ZEB1: variants seen among roughly 807,000 people sequenced by gnomAD.
The protein encoded by ZEB1 is zinc finger E-box-binding homeobox 1.
In ZEB1, 21 loss-of-function variants were observed where a neutral mutation model predicts 84.9. The observed-to-expected ratio is 0.25, with a 90% CI of 0.18 to 0.36. ZEB1 has a LOEUF of 0.36. Among genes scored for constraint, ZEB1 ranks in the 10% least tolerant of loss-of-function variants. The pLI is 1.00. For synonymous variants in ZEB1, 420 were observed against 471.1 expected (o/e 0.89, Z 1.41); for missense variants, 1,104 against 1,330.2 (o/e 0.83, Z 2.65).
chr10:31,444,626 A>G (rs1360303307), intron 1 of ZEB1, among the ~76,000 whole-genome samples: 22 of 151,892 alleles, frequency 1.4e-4, no homozygotes, highest in Non-Finnish European at 2.8e-4. Flanking sequence ...TCAGCTTTCT[A>G]CATATGGCTA....
At chr10:31,514,741 A>T in intron 6 of ZEB1, 33 bp downstream of exon 6, 1 of 1,459,566 alleles carries the variant, frequency 6.9e-7, no homozygotes, top group Non-Finnish European at 9.6e-7. Flanking sequence ...TACCCTGAAT[A>T]TCATAGCATA....
At chr10:31,459,719 C>T (rs1259655620) in intron 1 of ZEB1, among the ~76,000 whole-genome samples, 1 of 151,886 alleles carries the variant, frequency 6.6e-6, no homozygotes, top group Non-Finnish European at 1.5e-5. Context: ...CTCTTTTGGA[C>T]AAGAGTCTTC....
At chr10:31,401,229 AAGAC>A (rs1042884970) in intron 1 of ZEB1, among the ~76,000 whole-genome samples, 3 of 152,214 alleles carry the variant, frequency 2.0e-5, no homozygotes, top group Admixed American at 6.5e-5. Flanking sequence ...CATTTTTAAA[AAGAC>A]AGAAAACTAA....
Position 31,361,056 on chromosome 10 carries a change from G to A in ZEB1, c.58+41764G>A, listed in dbSNP as rs2042965269. The A allele has an allele frequency of 1.1e-5, 17 of 1,611,364 alleles. No homozygotes were observed. In the East Asian group the frequency reaches 3.8e-4, roughly 36 times the overall value. ...TTTTGGAAGGGATTCTGATACTCTG[G>A]ATAATCAGACTTCTTTTCTCTAAGA... On this transcript the variant is annotated intron_variant, in intron 1 of 8. Transcript: ENST00000424869.
chr10:31,484,708 G>T (rs1465424593), intron 2 of ZEB1, among the ~76,000 whole-genome samples: 2 of 151,912 alleles, frequency 1.3e-5, no homozygotes. Flanking sequence ...TACGGTAAAT[G>T]AATATTTTTT....
At chr10:31,460,795 G>A (rs560804756) in intron 1 of ZEB1, among the ~76,000 whole-genome samples, 2 of 152,142 alleles carry the variant, frequency 1.3e-5, no homozygotes, top group East Asian at 1.9e-4. Flanking sequence ...TAATGGGTTA[G>A]TATTTATAAA....
intron 1 of ZEB1, among the ~76,000 whole-genome samples, chr10:31,352,801 G>C (rs1358291818): frequency 6.6e-6 from 1 of 152,174 alleles, no homozygotes; most frequent in Non-Finnish European, 1.5e-5. Flanking sequence ...AAGTTACTTA[G>C]CATTACTTCT....
intron 1 of ZEB1, among the ~76,000 whole-genome samples, chr10:31,382,866 C>T (rs2047940891): frequency 6.6e-6 from 1 of 151,520 alleles, no homozygotes; most frequent in Non-Finnish European, 1.5e-5. Context: ...ATGAATATGA[C>T]AGATTAAGAA....
intron 1 of ZEB1, among the ~76,000 whole-genome samples, chr10:31,389,178 A>G (rs1267711920): frequency 2.0e-5 from 3 of 152,084 alleles, no homozygotes; most frequent in Non-Finnish European, 4.4e-5. Flanking sequence ...CATTTCCTTA[A>G]CAATTCTTAT....
chr10:31,473,580 A>C (rs1043185212), intron 2 of ZEB1, among the ~76,000 whole-genome samples: 2 of 150,698 alleles, frequency 1.3e-5, no homozygotes, highest in Non-Finnish European at 3.0e-5. Context: ...AAATGGAAGA[A>C]CATTCCATGC....
chr10:31,443,490 C>A (rs147770278), intron 1 of ZEB1, among the ~76,000 whole-genome samples: 2,191 of 150,872 alleles, frequency 0.015, 39 homozygotes, highest in African/African-American at 0.051. Flanking sequence ...TATACATGTG[C>A]CATGCTGGTG....
chr10:31,452,726 TGTGTGTGTGTGTGTGTGAGA>T (rs1397877265), intron 1 of ZEB1, among the ~76,000 whole-genome samples: 9 of 121,792 alleles, frequency 7.4e-5, no homozygotes, highest in Admixed American at 4.1e-4. Flanking sequence ...TGTGTGTGTG[TGTGTGTGTGTGTGTGTGAGA>T]GAGAGAGAGA....
chr10:31,518,658 T>C (rs950106752), intron 6 of ZEB1, among the ~76,000 whole-genome samples: 1 of 152,136 alleles, frequency 6.6e-6, no homozygotes, highest in Non-Finnish European at 1.5e-5. Context: ...GAAAATACTA[T>C]GTGATGGAGC....
intron 1 of ZEB1, chr10:31,389,844 C>T (rs190152609): frequency 1.5e-4 from 23 of 151,990 alleles, no homozygotes; most frequent in Non-Finnish European, 2.5e-4. Flanking sequence ...TTTTCATACT[C>T]AGCATTCAAA....
chr10:31,496,888 C>T (rs995816362), intron 3 of ZEB1, among the ~76,000 whole-genome samples: 1 of 152,012 alleles, frequency 6.6e-6, no homozygotes, highest in Admixed American at 6.6e-5. Context: ...AATAGCACTC[C>T]TATACTCGTC....
chr10:31,497,225 A>G (rs897893553), intron 3 of ZEB1, among the ~76,000 whole-genome samples: 1 of 152,154 alleles, frequency 6.6e-6, no homozygotes, highest in Non-Finnish European at 1.5e-5. Context: ...TATTACCAGA[A>G]TTACAGAAGA....
At chr10:31,445,022 C>T (rs1391904426) in intron 1 of ZEB1, among the ~76,000 whole-genome samples, 13 of 150,398 alleles carry the variant, frequency 8.6e-5, no homozygotes, top group East Asian at 7.7e-4. Flanking sequence ...GCCATTTTCG[C>T]GATATTGATT....
Position 31,526,874 on chromosome 10 carries a change from C to T in ZEB1, c.2988C>T (p.Ser996=), listed in dbSNP as rs1190238109. 3 of 1,614,154 alleles carry T rather than the reference C, an allele frequency of 1.9e-6. No individual in the cohort carries two copies. Among genetic ancestry groups the T allele is most frequent in the East Asian group, 4.5e-5 (2 of 44,844 alleles). Residue 996 remains serine, a synonymous_variant, in exon 9 of 9, where the codon AGC becomes AGT. Transcript: ENST00000424869. ...YCKREAEERD[S]TEQEEAGPEI... is the part of the protein sequence containing the mutation. The stretch of plus-strand genomic sequence containing the variant: ...AGAGAGAAGCGGAAGAACGTGACAG[C>T]ACAGAGCAGGAAGAGGCAGGGCCTG...
intron 1 of ZEB1, among the ~76,000 whole-genome samples, chr10:31,408,301 T>C (rs992250818): frequency 4.0e-5 from 6 of 150,514 alleles, no homozygotes; most frequent in Admixed American, 6.6e-5. Context: ...ATCAATATCG[T>C]GAAAATGGCC....
Sources: gnomAD v4.1 joint callset for allele counts (sites outside exome capture counted in the v4.1 genomes callset) on GRCh38, gnomAD v4.1.1 for gene constraint, MANE v1.5 for transcripts, NCBI Gene and HGNC (gene_info 2026-07-23, HGNC 2026-07-21) for gene names.